Variants in SMIM35 observed in about 807,000 individuals in gnomAD.
The protein encoded by SMIM35 is TMPRSS4 antisense RNA 1 (non-protein coding).
intron 1 of SMIM35, among the ~76,000 whole-genome samples, chr11:118,034,329 T>G (rs534811503): frequency 6.6e-6 from 1 of 152,252 alleles, no homozygotes; most frequent in South Asian, 2.1e-4. Context: ...CTACTACAAA[T>G]AAAGCACTTA....
At chr11:118,032,683 G>C (rs1696725175) in intron 1 of SMIM35, among the ~76,000 whole-genome samples, 1 of 152,270 alleles carries the variant, frequency 6.6e-6, no homozygotes, top group East Asian at 1.9e-4. Context: ...GAGATGTGGG[G>C]ATCACTTGCG....
intron 3 of SMIM35, among the ~76,000 whole-genome samples, chr11:118,014,347 AG>A (rs2058166378): frequency 6.6e-6 from 1 of 152,084 alleles, no homozygotes; most frequent in East Asian, 1.9e-4. Context: ...AAGGAAAGGA[AG>A]GAAGAAAGGA....
chr11:118,077,356 A>T, intron 1 of SMIM35: 1 of 1,554,452 alleles, frequency 6.4e-7, no homozygotes, highest in Non-Finnish European at 8.7e-7. Flanking sequence ...GGGTCTCCCC[A>T]TGTAAGGCCC....
At chr11:118,065,229 G>C (rs1221050795) in intron 1 of SMIM35, among the ~76,000 whole-genome samples, 1 of 152,200 alleles carries the variant, frequency 6.6e-6, no homozygotes, top group Non-Finnish European at 1.5e-5. Context: ...TTACAGCAAG[G>C]ACACTCCCAG....
intron 1 of SMIM35, among the ~76,000 whole-genome samples, chr11:118,022,032 C>CT (rs761119844): frequency 0.088 from 10,596 of 120,540 alleles, 645 homozygotes; most frequent in Middle Eastern, 0.14. Context: ...AACAATAAGT[C>CT]TTTTTTTTTT....
intron 1 of SMIM35, among the ~76,000 whole-genome samples, chr11:118,059,905 G>A (rs112756811): frequency 5.8e-4 from 89 of 152,276 alleles, no homozygotes; most frequent in African/African-American, 1.1e-3. Flanking sequence ...CACTCCCTCC[G>A]TGACAGGGAA....
chr11:118,059,975 T>C (rs184123896), intron 1 of SMIM35, among the ~76,000 whole-genome samples: 2 of 152,268 alleles, frequency 1.3e-5, no homozygotes, highest in East Asian at 3.9e-4. Context: ...TTTTATCTCA[T>C]AGCCTTGAGC....
intron 1 of SMIM35, among the ~76,000 whole-genome samples, chr11:118,021,610 A>T (rs2058232018): frequency 1.3e-5 from 2 of 152,206 alleles, no homozygotes; most frequent in Admixed American, 1.3e-4. Context: ...AAGATATACC[A>T]TATAAAAACT....
At chr11:118,024,561 C>T (rs7942225) in intron 1 of SMIM35, among the ~76,000 whole-genome samples, 14,564 of 151,206 alleles carry the variant, frequency 0.096, 966 homozygotes, top group East Asian at 0.37. Flanking sequence ...CAACCTCGAC[C>T]TCCCAGGTTT....
intron 1 of SMIM35, chr11:118,077,292 A>T: frequency 6.2e-7 from 1 of 1,602,280 alleles, no homozygotes; most frequent in Non-Finnish European, 8.5e-7. Context: ...CGGGAGGATC[A>T]CAGAGCCAGC....
At chr11:118,077,094 G>C (rs1591317402) in intron 1 of SMIM35, 2 of 552,896 alleles carry the variant, frequency 3.6e-6, no homozygotes, top group East Asian at 6.5e-5. Context: ...GGAATACACA[G>C]AGAGAGGCAG....
At position 118,004,895 on chromosome 11, in the gene SMIM35, G is replaced by A. The variant is rs994408780; in HGVS notation, c.*1515C>T. On this transcript the variant is annotated 3_prime_UTR_variant, in exon 5 of 5. Transcript: ENST00000689828. The stretch of plus-strand genomic sequence containing the variant: ...CTCCCTTTAGTAAGTTGTCTAATCT[G>A]TAGAGCTGAGAGGCTCAGGGAGGGG... The A allele has an allele frequency of 2.0e-5, 3 of 152,162 alleles. No homozygotes were observed. Among genetic ancestry groups the A allele is most frequent in the Non-Finnish European group, 4.4e-5 (3 of 68,080 alleles). The allele number at this position is 152,162 out of a possible 1,614,324, so 9.4% of individuals were successfully genotyped here. A position where few individuals can be genotyped will look rare whatever the true frequency, so the allele number is the denominator to read the frequency against.
chr11:118,060,173 C>G (rs185248151), intron 1 of SMIM35, among the ~76,000 whole-genome samples: 5 of 152,282 alleles, frequency 3.3e-5, no homozygotes, highest in Admixed American at 2.6e-4. Context: ...ACTCACATGC[C>G]TCTCCTCCAG....
chr11:118,021,723 G>A (rs899869721), intron 1 of SMIM35, among the ~76,000 whole-genome samples: 1 of 151,998 alleles, frequency 6.6e-6, no homozygotes, highest in African/African-American at 2.4e-5. Context: ...AATGATAAGA[G>A]GGACAACTCA....
intron 1 of SMIM35, among the ~76,000 whole-genome samples, chr11:118,053,503 G>T (rs1434611879): frequency 6.6e-6 from 1 of 152,144 alleles, no homozygotes; most frequent in Non-Finnish European, 1.5e-5. Flanking sequence ...CCCATGCTCT[G>T]GCAACCCTTC....
In SMIM35 at chr11:118,033,955, G is replaced by A. The variant is rs937305446; in HGVS notation, c.8-18146C>T. 3.3e-5 allele frequency among the ~76,000 whole-genome samples: 5 copies of A among 152,082 alleles called. No homozygotes were observed. The South Asian group carries it at 8.3e-4, about 25-fold the overall frequency. ...ATGGAAATAATAAAAGTACCCTAAC[G>A]CCTGGAATTACCATAGATTTATTTA... On this transcript the variant is annotated intron_variant, in intron 1 of 4. Transcript: ENST00000689828.
At chr11:118,037,631 T>A (rs1750261907) in intron 1 of SMIM35, among the ~76,000 whole-genome samples, 1 of 152,208 alleles carries the variant, frequency 6.6e-6, no homozygotes, top group African/African-American at 2.4e-5. Flanking sequence ...AGCTCTTCGA[T>A]TTTGAAGGAC....
intron 2 of SMIM35, among the ~76,000 whole-genome samples, chr11:118,015,154 A>C (rs905863773): frequency 6.6e-6 from 1 of 152,254 alleles, no homozygotes; most frequent in African/African-American, 2.4e-5. Flanking sequence ...GTTAAAGTTA[A>C]GTGCAGATCT....
intron 4 of SMIM35, among the ~76,000 whole-genome samples, chr11:118,009,523 T>C (rs951117138): frequency 3.0e-4 from 46 of 152,278 alleles, no homozygotes; most frequent in Admixed American, 2.7e-3. Context: ...ACTTGGAACC[T>C]GGTCAGACAC....
Sources: gnomAD v4.1 joint callset for allele counts (sites outside exome capture counted in the v4.1 genomes callset) on GRCh38, gnomAD v4.1.1 for gene constraint, MANE v1.5 for transcripts, NCBI Gene and HGNC (gene_info 2026-07-23, HGNC 2026-07-21) for gene names.